RBMS1: variants seen among roughly 807,000 people sequenced by gnomAD.
RBMS1 encodes RNA-binding motif, single-stranded-interacting protein 1.
In RBMS1, 17 loss-of-function variants were observed where a neutral mutation model predicts 62.3. The observed-to-expected ratio is 0.27, with a 90% CI of 0.19 to 0.41. RBMS1 has a LOEUF of 0.41. Among genes scored for constraint, RBMS1 ranks in the 10% least tolerant of loss-of-function variants. The pLI, the probability that RBMS1 is intolerant of heterozygous loss-of-function variation, is 1.00. For missense variants in RBMS1, 334 were observed against 504.5 expected, an observed-to-expected ratio of 0.66 and a Z score of 3.24; for synonymous variants, 172 against 170.0, an observed-to-expected ratio of 1.01 and a Z score of -0.09.
intron 1 of RBMS1, among the ~76,000 whole-genome samples, chr2:160,481,511 A>T (rs1328821236): frequency 6.6e-6 from 1 of 152,166 alleles, no homozygotes; most frequent in Non-Finnish European, 1.5e-5. Context: ...GTAAAAAGGA[A>T]AACTGAAAAT....
At chr2:160,285,154 G>T in intron 7 of RBMS1, 110 bp from the exon 8 acceptor site, 2 of 1,024,328 alleles carry the variant, frequency 2.0e-6, no homozygotes, top group Non-Finnish European at 3.0e-6. Context: ...CTGCTGGGGA[G>T]GCTGAGGTGG....
intron 2 of RBMS1, among the ~76,000 whole-genome samples, chr2:160,324,608 T>C (rs776343048): frequency 7.2e-5 from 11 of 151,734 alleles, no homozygotes; most frequent in Non-Finnish European, 8.8e-5. Context: ...CTCATGCATA[T>C]AGAATGATAG....
chr2:160,493,390 G>A lies in RBMS1; in HGVS notation c.-27C>T, dbSNP rs773468036. 1 of 1,610,004 alleles carries A rather than the reference G, an allele frequency of 6.2e-7. No homozygotes were observed. The highest frequency in any genetic ancestry group is 1.1e-5 in the South Asian group (1 of 90,994). ...AAGCTGGAAGGGAGCCTGCCGTGCA[G>A]GGTCGCGGACACTTTGGGGTTTCCA... On this transcript the variant is annotated 5_prime_UTR_variant, in exon 1 of 14. Transcript: ENST00000348849.
intron 2 of RBMS1, among the ~76,000 whole-genome samples, chr2:160,332,070 C>A (rs2105984483): frequency 6.6e-6 from 1 of 152,140 alleles, no homozygotes; most frequent in Non-Finnish European, 1.5e-5. Context: ...AGTTTGTGTT[C>A]TTTTTGACTC....
chr2:160,383,157 C>T (rs1694366594), intron 1 of RBMS1, among the ~76,000 whole-genome samples: 3 of 152,144 alleles, frequency 2.0e-5, no homozygotes, highest in Non-Finnish European at 2.9e-5. Context: ...AAACAGAAGT[C>T]TGCAATTAGG....
At chr2:160,327,970 T>C (rs1037177014) in intron 2 of RBMS1, among the ~76,000 whole-genome samples, 3 of 152,214 alleles carry the variant, frequency 2.0e-5, no homozygotes, top group African/African-American at 7.2e-5. Flanking sequence ...GTATTTTCTT[T>C]GCTTTGACAG....
intron 4 of RBMS1, among the ~76,000 whole-genome samples, chr2:160,310,261 T>C (rs935847324): frequency 5.3e-5 from 8 of 152,190 alleles, no homozygotes; most frequent in East Asian, 1.9e-4. Flanking sequence ...AATGGTTCTG[T>C]TGGAATGGAA....
chr2:160,332,766 T>C (rs1412357143), intron 2 of RBMS1, among the ~76,000 whole-genome samples: 1 of 151,966 alleles, frequency 6.6e-6, no homozygotes, highest in African/African-American at 2.4e-5. Context: ...CTAGTGATAC[T>C]AGAAAATCAC....
chr2:160,462,578 A>AAAGAT (rs1684511860), intron 1 of RBMS1, among the ~76,000 whole-genome samples: 1 of 152,208 alleles, frequency 6.6e-6, no homozygotes, highest in African/African-American at 2.4e-5. Context: ...ACTTTAAGCA[A>AAAGAT]AAGATATGGA....
Position 160,493,724 on chromosome 2 carries a change from G to A in RBMS1, c.-361C>T, listed in dbSNP as rs1017950759. On this transcript the variant is annotated 5_prime_UTR_variant, in exon 1 of 14. Transcript: ENST00000348849. Reference sequence around the variant, plus strand: ...CGCGCTGGCCGCGGTCCGCTCGGGCGAGCCGGCTGCGCGGGGCTGAGAGGT... The same window carrying A: ...CGCGCTGGCCGCGGTCCGCTCGGGCAAGCCGGCTGCGCGGGGCTGAGAGGT... The A allele has an allele frequency of 8.3e-6, 3 of 359,512 alleles. No individual in the cohort carries two copies. Among genetic ancestry groups the A allele is most frequent in the South Asian group, 5.8e-5 (2 of 34,646 alleles). The allele number at this position is 359,512 out of a possible 1,614,324, so 22.3% of individuals were successfully genotyped here. A position where few individuals can be genotyped will look rare whatever the true frequency, so the allele number is the denominator to read the frequency against.
intron 1 of RBMS1, among the ~76,000 whole-genome samples, chr2:160,375,611 T>C (rs62177312): frequency 0.077 from 11,750 of 152,182 alleles, 644 homozygotes; most frequent in South Asian, 0.19. Context: ...ATTCAATCTC[T>C]TCTATATAAA....
At chr2:160,326,163 T>A (rs909900199) in intron 2 of RBMS1, among the ~76,000 whole-genome samples, 5 of 151,984 alleles carry the variant, frequency 3.3e-5, no homozygotes, top group Non-Finnish European at 5.9e-5. Flanking sequence ...GCGCTGAAGG[T>A]GAAGGGATTA....
chr2:160,446,037 G>A, intron 1 of RBMS1, among the ~76,000 whole-genome samples: 1 of 152,034 alleles, frequency 6.6e-6, no homozygotes. Context: ...GTTAACTCCA[G>A]GTAAAGACAT....
At chr2:160,480,225 C>A (rs1352157206) in intron 1 of RBMS1, among the ~76,000 whole-genome samples, 2 of 151,668 alleles carry the variant, frequency 1.3e-5, no homozygotes, top group Admixed American at 6.6e-5. Context: ...TGGGGTGTCA[C>A]AACAACATCA....
chr2:160,359,335 T>G (rs1284884127), intron 2 of RBMS1, among the ~76,000 whole-genome samples: 1 of 152,214 alleles, frequency 6.6e-6, no homozygotes, highest in African/African-American at 2.4e-5. Flanking sequence ...AATACTCCTG[T>G]GTAGAATACA....
intron 2 of RBMS1, among the ~76,000 whole-genome samples, chr2:160,362,166 T>C (rs1416179334): frequency 6.6e-6 from 1 of 152,208 alleles, no homozygotes; most frequent in Non-Finnish European, 1.5e-5. Context: ...TAAGGGAATG[T>C]TGTAGGTGGT....
chr2:160,346,780 A>C (rs941734645), intron 2 of RBMS1, among the ~76,000 whole-genome samples: 8 of 152,184 alleles, frequency 5.3e-5, no homozygotes, highest in African/African-American at 1.9e-4. Context: ...AGTCTTAGAC[A>C]ATAACAAAAT....
intron 1 of RBMS1, among the ~76,000 whole-genome samples, chr2:160,449,970 T>A (rs1683894321): frequency 6.6e-6 from 1 of 152,162 alleles, no homozygotes; most frequent in African/African-American, 2.4e-5. Flanking sequence ...CAGGACTCCC[T>A]GCTGCCCTCA....
chr2:160,426,220 AGAAAG>A (rs1682568085), intron 1 of RBMS1, among the ~76,000 whole-genome samples: 1 of 58,046 alleles, frequency 1.7e-5, no homozygotes, highest in African/African-American at 7.5e-5. Context: ...GAGAGACAGA[AGAAAG>A]AAAGAAAGAA....
Sources: allele counts gnomAD v4.1 joint callset (sites outside exome capture counted in the v4.1 genomes callset), GRCh38; gene constraint gnomAD v4.1.1; transcripts MANE v1.5; gene names NCBI Gene and HGNC (gene_info 2026-07-23, HGNC 2026-07-21).